SORCS1: variants seen among roughly 807,000 people sequenced by gnomAD.
The protein encoded by SORCS1 is sortilin related VPS10 domain containing receptor 1.
A neutral mutation model predicts 146.1 loss-of-function variants in SORCS1; 60 were observed. That is an observed-to-expected ratio of 0.41 (90% confidence interval 0.33 to 0.51). The LOEUF (loss-of-function observed/expected upper bound fraction) is 0.51, where lower values mean the gene tolerates loss of function less well. Ranked by LOEUF, SORCS1 falls within the 20% of genes least tolerant of loss-of-function variation. SORCS1 has a pLI of 0.21. For synonymous variants in SORCS1, 637 were observed against 584.0 expected (o/e 1.09, Z -1.31); for missense variants, 1,352 against 1,487.6 (o/e 0.91, Z 1.50).
intron 22 of SORCS1, among the ~76,000 whole-genome samples, chr10:106,610,722 C>T (rs1247893210): frequency 2.0e-5 from 3 of 152,168 alleles, no homozygotes; most frequent in East Asian, 1.9e-4. Context: ...TGATTTTCCG[C>T]GTTTGCACAA....
chr10:106,621,613 A>G (rs553527883), intron 19 of SORCS1, among the ~76,000 whole-genome samples: 9 of 151,780 alleles, frequency 5.9e-5, no homozygotes, highest in African/African-American at 2.2e-4. Flanking sequence ...GGGGGTCTAG[A>G]CTTCTTTGCC....
At chr10:107,110,615 C>T (rs1203060390) in intron 1 of SORCS1, among the ~76,000 whole-genome samples, 1 of 152,030 alleles carries the variant, frequency 6.6e-6, no homozygotes, top group Non-Finnish European at 1.5e-5. Flanking sequence ...AACCTCCCAC[C>T]AACTCCCCCC....
intron 1 of SORCS1, among the ~76,000 whole-genome samples, chr10:107,148,784 T>G (rs950996749): frequency 6.6e-6 from 1 of 152,208 alleles, no homozygotes; most frequent in Non-Finnish European, 1.5e-5. Context: ...AAGGAGACTT[T>G]CATAGAGGGC....
intron 2 of SORCS1, among the ~76,000 whole-genome samples, chr10:106,944,746 G>A (rs912744560): frequency 2.6e-5 from 4 of 151,992 alleles, no homozygotes; most frequent in East Asian, 3.9e-4. Flanking sequence ...TGCCCTCAGC[G>A]AGTTTATATT....
chr10:106,888,428 A>C (rs1951091865), intron 2 of SORCS1, among the ~76,000 whole-genome samples: 1 of 152,196 alleles, frequency 6.6e-6, no homozygotes, highest in Non-Finnish European at 1.5e-5. Flanking sequence ...TCATCAAAAT[A>C]AGCAAAAGAA....
chr10:107,127,376 C>T (rs970463744), intron 1 of SORCS1, among the ~76,000 whole-genome samples: 4 of 152,078 alleles, frequency 2.6e-5, no homozygotes, highest in Non-Finnish European at 4.4e-5. Flanking sequence ...CTCCATAGGT[C>T]TGGACTCCTC....
chr10:106,640,029 A>G (rs1192988538), intron 18 of SORCS1, among the ~76,000 whole-genome samples: 1 of 152,168 alleles, frequency 6.6e-6, no homozygotes, highest in African/African-American at 2.4e-5. Flanking sequence ...AACAAGAAAG[A>G]AAAAGAAACT....
At chr10:106,950,097 A>C (rs1954594629) in intron 2 of SORCS1, among the ~76,000 whole-genome samples, 1 of 152,254 alleles carries the variant, frequency 6.6e-6, no homozygotes, top group African/African-American at 2.4e-5. Flanking sequence ...TATAAAGTGA[A>C]GACAATTTTA....
At chr10:106,582,848 C>T (rs1270025132) in intron 24 of SORCS1, among the ~76,000 whole-genome samples, 2 of 152,082 alleles carry the variant, frequency 1.3e-5, no homozygotes, top group Admixed American at 1.3e-4. Context: ...TTCATGAGGA[C>T]CTGGAACGAT....
At chr10:106,690,486 ATGTT>A (rs1248645629) in intron 9 of SORCS1, among the ~76,000 whole-genome samples, 1 of 152,056 alleles carries the variant, frequency 6.6e-6, no homozygotes, top group Non-Finnish European at 1.5e-5. Flanking sequence ...AGGGTTATAC[ATGTT>A]TGGGAGCTGG....
At chr10:106,885,573 G>A (rs1238621429) in intron 2 of SORCS1, among the ~76,000 whole-genome samples, 1 of 152,178 alleles carries the variant, frequency 6.6e-6, no homozygotes, top group Non-Finnish European at 1.5e-5. Context: ...CTGGAGGACA[G>A]TGAAGGAACA....
At chr10:106,738,352 A>C (rs1462405437) in intron 5 of SORCS1, among the ~76,000 whole-genome samples, 1 of 152,248 alleles carries the variant, frequency 6.6e-6, no homozygotes, top group African/African-American at 2.4e-5. Flanking sequence ...AGCAAATCAC[A>C]AAGGGAGAGA....
At chr10:106,694,281 C>A (rs915124093) in intron 9 of SORCS1, among the ~76,000 whole-genome samples, 4 of 151,910 alleles carry the variant, frequency 2.6e-5, no homozygotes, top group Admixed American at 1.3e-4. Context: ...ATTATTTTTC[C>A]TTTTTTGAGG....
At chr10:107,083,285 A>T (rs1963482176) in intron 1 of SORCS1, among the ~76,000 whole-genome samples, 2 of 152,322 alleles carry the variant, frequency 1.3e-5, no homozygotes, top group South Asian at 4.1e-4. Flanking sequence ...GAAAGGAAGA[A>T]TAAAATCTAA....
At chr10:106,679,447 AGG>A (rs1026265526) in intron 11 of SORCS1, 115 bp from the exon 12 acceptor site, 34 of 990,926 alleles carry the variant, frequency 3.4e-5, no homozygotes, top group Non-Finnish European at 4.9e-5. Context: ...CTGTCTGTGC[AGG>A]GGTTTTCTGC....
chr10:106,688,841 G>A (rs1853077838), intron 9 of SORCS1, among the ~76,000 whole-genome samples: 1 of 152,122 alleles, frequency 6.6e-6, no homozygotes, highest in Non-Finnish European at 1.5e-5. Flanking sequence ...CACACAGTAA[G>A]TATCAGACTC....
At chr10:106,648,349 G>T (rs571133941) in intron 18 of SORCS1, among the ~76,000 whole-genome samples, 2 of 152,142 alleles carry the variant, frequency 1.3e-5, no homozygotes, top group African/African-American at 4.8e-5. Flanking sequence ...TTTTGGATAC[G>T]TTGGAGTCTA....
chr10:106,597,566 T>C (rs960236326), intron 23 of SORCS1, 116 bp from the exon 24 acceptor site: 2 of 728,060 alleles, frequency 2.7e-6, no homozygotes, highest in South Asian at 1.7e-5. Flanking sequence ...CCGTGAGTTA[T>C]ATAAATAAGG....
chr10:106,633,418 C>T (rs1384410865), intron 18 of SORCS1, among the ~76,000 whole-genome samples: 1 of 151,998 alleles, frequency 6.6e-6, no homozygotes, highest in Non-Finnish European at 1.5e-5. Flanking sequence ...GAATTTATTC[C>T]TCCTGTCTAA....
Sources: gnomAD v4.1 joint callset for allele counts (sites outside exome capture counted in the v4.1 genomes callset) on GRCh38, gnomAD v4.1.1 for gene constraint, MANE v1.5 for transcripts, NCBI Gene and HGNC (gene_info 2026-07-23, HGNC 2026-07-21) for gene names.